PPP5C: variants seen among roughly 807,000 people sequenced by gnomAD.
PPP5C encodes the protein protein phosphatase 5 catalytic subunit.
A neutral mutation model predicts 66.7 loss-of-function variants in PPP5C; 21 were observed. That is an observed-to-expected ratio of 0.31 (90% confidence interval 0.22 to 0.45). The LOEUF (loss-of-function observed/expected upper bound fraction) is 0.45, where lower values mean the gene tolerates loss of function less well. Among genes scored for constraint, PPP5C ranks in the 20% least tolerant of loss-of-function variants. The pLI is 1.00. For missense variants in PPP5C, 464 were observed against 675.9 expected (o/e 0.69, Z 3.48); for synonymous variants, 246 against 257.4 (o/e 0.96, Z 0.43).
chr19:46,384,939 C>T (rs1367663055), intron 7 of PPP5C, 30 bp downstream of exon 7: 3 of 1,539,194 alleles, frequency 1.9e-6, no homozygotes, highest in African/African-American at 1.4e-5. Flanking sequence ...GGTTTGGGTT[C>T]ATTGTGGGGT....
intron 2 of PPP5C, among the ~76,000 whole-genome samples, chr19:46,369,253 C>T (rs576229623): frequency 6.6e-6 from 1 of 152,330 alleles, no homozygotes; most frequent in East Asian, 1.9e-4. Flanking sequence ...TGGCCGAGTG[C>T]TCCTAGGCTA....
intron 2 of PPP5C, among the ~76,000 whole-genome samples, chr19:46,361,087 G>GTT (rs983568635): frequency 2.8e-5 from 4 of 145,086 alleles, no homozygotes; most frequent in Non-Finnish European, 6.1e-5. Flanking sequence ...TTTTTGTTTT[G>GTT]TTTTGTGTTT....
rs1306094175 is a variant in PPP5C, at chr19:46,387,375, G to A, written c.1057G>A (p.Gly353Arg). 1.9e-6 allele frequency: 3 copies of A among 1,609,010 alleles called. No individual in the cohort carries two copies. Among genetic ancestry groups the A allele is most frequent in the South Asian group, 1.1e-5 (1 of 90,882 alleles). ...CINGKVLIMH[G>R]GLFSEDGVTL... is the part of the protein sequence containing the mutation. Reference sequence around the variant, plus strand: ...TCCCCCATCTCCCCAGATCATGCACGGAGGCCTGTTCAGTGAAGACGGTGT... The same window carrying A: ...TCCCCCATCTCCCCAGATCATGCACAGAGGCCTGTTCAGTGAAGACGGTGT... Residue 353 changes from glycine (G) to arginine (R), a missense_variant, in exon 9 of 13, where the codon GGA becomes AGA. By Grantham distance (125) the Gly-to-Arg change is moderately radical. This residue lies in a region of PPP5C where 387 missense variants were observed against 626.0 expected (regional missense o/e 0.62). Coordinates refer to ENST00000012443, the MANE Select transcript of PPP5C (RefSeq NM_006247.4).
At chr19:46,367,801 A>G (rs768010189) in intron 2 of PPP5C, among the ~76,000 whole-genome samples, 38 of 152,214 alleles carry the variant, frequency 2.5e-4, no homozygotes, top group Non-Finnish European at 5.3e-4. Context: ...TCATGGACAC[A>G]GAAGCAAATC....
At chr19:46,374,148 A>G (rs2239381) in intron 2 of PPP5C, among the ~76,000 whole-genome samples, 86,971 of 152,108 alleles carry the variant, frequency 0.57, 25,201 homozygotes, top group South Asian at 0.75. Context: ...AGGGTGCCCT[A>G]GGCCTGCCCA....
At chr19:46,349,098 G>C (rs185870682) in intron 1 of PPP5C, among the ~76,000 whole-genome samples, 3 of 152,098 alleles carry the variant, frequency 2.0e-5, no homozygotes, top group African/African-American at 4.8e-5. Flanking sequence ...ACAGGAGTTC[G>C]AGACCAACCT....
chr19:46,369,681 A>G (rs938479238), intron 2 of PPP5C, among the ~76,000 whole-genome samples: 9 of 150,258 alleles, frequency 6.0e-5, no homozygotes, highest in African/African-American at 2.2e-4. Context: ...TAATCCCAGC[A>G]CTTTAGGAGT....
intron 2 of PPP5C, among the ~76,000 whole-genome samples, chr19:46,362,891 C>T (rs1180479284): frequency 2.0e-5 from 3 of 150,558 alleles, no homozygotes; most frequent in Non-Finnish European, 4.4e-5. Context: ...AGGTTCATGC[C>T]ATTCCCCTGC....
At chr19:46,389,301 G>A (rs143875987) in intron 11 of PPP5C, among the ~76,000 whole-genome samples, 4 of 150,116 alleles carry the variant, frequency 2.7e-5, no homozygotes, top group African/African-American at 9.9e-5. Flanking sequence ...TCCAGCCTGG[G>A]GAAGAGTAAG....
At chr19:46,348,956 G>A (rs1481295044) in intron 1 of PPP5C, among the ~76,000 whole-genome samples, 1 of 152,146 alleles carries the variant, frequency 6.6e-6, no homozygotes, top group African/African-American at 2.4e-5. Flanking sequence ...GAGTGATGGG[G>A]GTGATGCAGC....
intron 2 of PPP5C, among the ~76,000 whole-genome samples, chr19:46,363,307 CAAAAAAAAAAAAAAAAAAAAAA>C (rs1158423038): frequency 6.8e-4 from 19 of 27,948 alleles, no homozygotes; most frequent in South Asian, 5.2e-3. Flanking sequence ...GACTCCATCT[CAAAAAAAAAAAAAAAAAAAAAA>C]AAAAAAAAAA....
Position 46,373,276 on chromosome 19 carries a change from G to A in PPP5C, c.364-2328G>A, listed in dbSNP as rs371165888. Among the ~76,000 whole-genome samples, 8 of 152,364 alleles carry A rather than the reference G, an allele frequency of 5.3e-5. No homozygotes were observed. The East Asian group carries it at 1.5e-3, about 29-fold the overall frequency. The stretch of plus-strand genomic sequence containing the variant: ...ATCCCAGCGTGCATAGCGGAAATCA[G>A]GAGCCTGGGCTTTGGCGCAGTTTCG... On this transcript the variant is annotated intron_variant, in intron 2 of 12. Transcript: ENST00000012443.
intron 7 of PPP5C, among the ~76,000 whole-genome samples, 194 bp downstream of exon 7, chr19:46,385,103 T>A (rs1182385538): frequency 6.6e-6 from 1 of 152,146 alleles, no homozygotes. Context: ...TCATAGATAG[T>A]GTAGAAATGG....
chr19:46,348,307 ATTTT>A (rs35992791), intron 1 of PPP5C, among the ~76,000 whole-genome samples: 6 of 111,236 alleles, frequency 5.4e-5, no homozygotes, highest in Admixed American at 9.2e-5. Flanking sequence ...CCAGTTTGGA[ATTTT>A]TTTTTTTTTT....
intron 1 of PPP5C, among the ~76,000 whole-genome samples, chr19:46,348,382 C>T (rs935390737): frequency 6.7e-6 from 1 of 148,352 alleles, no homozygotes; most frequent in Non-Finnish European, 1.5e-5. Context: ...GGCGCAATCT[C>T]GGCTCACTGC....
At chr19:46,364,711 C>A (rs1292201598) in intron 2 of PPP5C, among the ~76,000 whole-genome samples, 1 of 152,026 alleles carries the variant, frequency 6.6e-6, no homozygotes, top group African/African-American at 2.4e-5. Flanking sequence ...GCAGCCAGGA[C>A]AAATAGGAAG....
intron 2 of PPP5C, among the ~76,000 whole-genome samples, chr19:46,363,209 G>A (rs1972424083): frequency 7.5e-6 from 1 of 133,522 alleles, no homozygotes; most frequent in Admixed American, 7.8e-5. Flanking sequence ...TTGGGAGGCT[G>A]AGGCAGGAGA....
At chr19:46,365,221 A>G (rs1055848336) in intron 2 of PPP5C, among the ~76,000 whole-genome samples, 6 of 152,032 alleles carry the variant, frequency 3.9e-5, no homozygotes, top group African/African-American at 1.4e-4. Context: ...GACCTCAAGT[A>G]ATCTGCCCAC....
intron 4 of PPP5C, among the ~76,000 whole-genome samples, chr19:46,379,187 G>A (rs893864280): frequency 8.5e-5 from 13 of 152,178 alleles, no homozygotes; most frequent in Admixed American, 6.5e-4. Context: ...CCGAGTAGCT[G>A]GGACTACAGG....
Sources: gnomAD v4.1 joint callset for allele counts (sites outside exome capture counted in the v4.1 genomes callset) on GRCh38, gnomAD v4.1.1 for gene constraint, gnomAD v4.1.1 regional missense constraint, MANE v1.5 for transcripts, NCBI Gene and HGNC (gene_info 2026-07-23, HGNC 2026-07-21) for gene names.